MAF: variants seen among roughly 807,000 people sequenced by gnomAD.
MAF encodes MAF bZIP transcription factor.
MAF carries 10 observed loss-of-function variants against 22.0 expected under a neutral mutation model. The observed-to-expected ratio is 0.45, with a 90% CI of 0.28 to 0.77. The LOEUF is 0.77. Ranked by LOEUF, MAF falls within the 30% of genes least tolerant of loss-of-function variation. The probability of loss-of-function intolerance (pLI) is 0.12; values close to 1 mark genes in which losing one functional copy is unlikely to be tolerated. For synonymous variants in MAF, 337 were observed against 255.8 expected (o/e 1.32, Z -3.03); for missense variants, 544 against 548.4 (o/e 0.99, Z 0.08).
chr16:79,306,023 G>A, the MAF span, among the ~76,000 whole-genome samples: 1 of 152,158 alleles, frequency 6.6e-6, no homozygotes, highest in Non-Finnish European at 1.5e-5. Flanking sequence ...TCAAAGTCTA[G>A]GTTCTTGTAT....
chr16:79,378,150 C>G, the MAF span, among the ~76,000 whole-genome samples: 2 of 152,050 alleles, frequency 1.3e-5, no homozygotes, highest in African/African-American at 2.4e-5. Context: ...TTGATTCTTC[C>G]TACCCATGAG....
chr16:79,563,457 C>T, the MAF span, among the ~76,000 whole-genome samples: 2 of 150,348 alleles, frequency 1.3e-5, no homozygotes, highest in Admixed American at 1.3e-4. Flanking sequence ...CCTTATTGAA[C>T]ATTTAGAATC....
the MAF span, among the ~76,000 whole-genome samples, chr16:79,295,320 C>T: frequency 6.6e-6 from 1 of 152,192 alleles, no homozygotes; most frequent in South Asian, 2.1e-4. Context: ...GGGCGGCCTT[C>T]TGAGTCCGGG....
At chr16:79,511,918 G>A in the MAF span, among the ~76,000 whole-genome samples, 2 of 152,130 alleles carry the variant, frequency 1.3e-5, no homozygotes, top group African/African-American at 4.8e-5. Context: ...TTGATTAGCT[G>A]CAGCAAAATA....
the MAF span, among the ~76,000 whole-genome samples, chr16:79,560,023 G>T: frequency 6.6e-6 from 1 of 152,160 alleles, no homozygotes; most frequent in African/African-American, 2.4e-5. Context: ...TCCTGCTTTA[G>T]CCTTCTGAGT....
the MAF span, among the ~76,000 whole-genome samples, chr16:79,467,875 C>A: frequency 6.6e-6 from 1 of 150,686 alleles, no homozygotes; most frequent in Non-Finnish European, 1.5e-5. Context: ...AGGATGCAGG[C>A]AGGCAAACCT....
the MAF span, among the ~76,000 whole-genome samples, chr16:79,517,469 A>G: frequency 6.6e-6 from 1 of 152,212 alleles, no homozygotes; most frequent in Non-Finnish European, 1.5e-5. Flanking sequence ...AACAACAAAT[A>G]AAGTTCAAAT....
At chr16:79,235,782 C>T in the MAF span, among the ~76,000 whole-genome samples, 27 of 152,024 alleles carry the variant, frequency 1.8e-4, no homozygotes, top group African/African-American at 6.5e-4. Context: ...TGAAAAATGC[C>T]TCACACCACA....
chr16:79,378,911 C>A, the MAF span, among the ~76,000 whole-genome samples: 1 of 152,128 alleles, frequency 6.6e-6, no homozygotes, highest in Admixed American at 6.5e-5. Context: ...AGTTACTGGG[C>A]CAACTGGTAT....
chr16:79,289,409 G>A, the MAF span, among the ~76,000 whole-genome samples: 1 of 152,080 alleles, frequency 6.6e-6, no homozygotes, highest in Non-Finnish European at 1.5e-5. Flanking sequence ...TTGTGAAGGG[G>A]GACACCTAGA....
the MAF span, among the ~76,000 whole-genome samples, chr16:79,504,791 T>G: frequency 6.6e-6 from 1 of 152,220 alleles, no homozygotes; most frequent in Non-Finnish European, 1.5e-5. Flanking sequence ...GTTCTCTGTA[T>G]TTTCTTGCCA....
chr16:79,306,120 A>G, the MAF span, among the ~76,000 whole-genome samples: 5 of 152,238 alleles, frequency 3.3e-5, no homozygotes, highest in Admixed American at 6.5e-5. Context: ...TAGGGCTCCA[A>G]TATTGGAAAG....
chr16:79,229,864 G>A, the MAF span, among the ~76,000 whole-genome samples: 8 of 152,000 alleles, frequency 5.3e-5, no homozygotes, highest in African/African-American at 1.2e-4. Flanking sequence ...TGATTTCTGC[G>A]GCTCTGAGCT....
At chr16:79,439,980 C>T in the MAF span, among the ~76,000 whole-genome samples, 3 of 152,202 alleles carry the variant, frequency 2.0e-5, no homozygotes, top group Admixed American at 6.5e-5. Flanking sequence ...TGGCCACAGG[C>T]GCTTCACTGA....
At chr16:79,269,026 G>C in the MAF span, among the ~76,000 whole-genome samples, 2 of 152,206 alleles carry the variant, frequency 1.3e-5, no homozygotes, top group African/African-American at 4.8e-5. Flanking sequence ...ATATTTGCTA[G>C]TTTCCAATCT....
At chr16:79,465,870 G>A in the MAF span, among the ~76,000 whole-genome samples, 1 of 152,190 alleles carries the variant, frequency 6.6e-6, no homozygotes, top group African/African-American at 2.4e-5. Context: ...TGGGAAAAGT[G>A]CCTAATATAT....
the MAF span, among the ~76,000 whole-genome samples, chr16:79,256,434 G>C: frequency 1.3e-5 from 2 of 152,066 alleles, no homozygotes; most frequent in Admixed American, 6.5e-5. Flanking sequence ...TAGCGGGTTC[G>C]TACCTAATGG....
chr16:79,211,832 C>G, the MAF span: 6 of 1,612,674 alleles, frequency 3.7e-6, no homozygotes, highest in African/African-American at 4.0e-5. Flanking sequence ...CACACCCGCC[C>G]TGTGTGTGTC....
At chr16:79,207,612 A>G in the MAF span, among the ~76,000 whole-genome samples, 3 of 152,150 alleles carry the variant, frequency 2.0e-5, no homozygotes, top group Admixed American at 1.3e-4. Context: ...TATTGTGTCT[A>G]TTTTTTATAT....
Sources: gnomAD v4.1 joint callset for allele counts (sites outside exome capture counted in the v4.1 genomes callset) on GRCh38, gnomAD v4.1.1 for gene constraint, MANE v1.5 for transcripts, NCBI Gene and HGNC (gene_info 2026-07-23, HGNC 2026-07-21) for gene names.